The following SORBS2 variants were observed in gnomAD, a reference collection of about 807,000 sequenced individuals.
SORBS2 encodes sorbin and SH3 domain containing 2.
A neutral mutation model predicts 97.7 loss-of-function variants in SORBS2; 46 were observed. The observed-to-expected ratio is 0.47, with a 90% confidence interval of 0.37 to 0.60. The LOEUF (loss-of-function observed/expected upper bound fraction) is 0.60. SORBS2 is among the 20% of genes least tolerant of loss of function. The pLI is 0.00. For synonymous variants in SORBS2, 476 were observed against 473.4 expected (o/e 1.01, Z -0.07); for missense variants, 1,316 against 1,282.3 (o/e 1.03, Z -0.40).
chr4:185,839,125 G>A (rs895673351), intron 1 of SORBS2, among the ~76,000 whole-genome samples: 1 of 152,206 alleles, frequency 6.6e-6, no homozygotes, highest in Non-Finnish European at 1.5e-5. Flanking sequence ...TCCTCAGAAA[G>A]ATCCAGTAAC....
chr4:185,661,076 A>G (rs1046041674), upstream of SORBS2, among the ~76,000 whole-genome samples: 1 of 152,008 alleles, frequency 6.6e-6, no homozygotes, highest in African/African-American at 2.4e-5. Flanking sequence ...GGAGTTCGAG[A>G]CCAACCTGGC....
chr4:185,931,596 T>C (rs1191658538), intron 1 of SORBS2, among the ~76,000 whole-genome samples: 2 of 152,050 alleles, frequency 1.3e-5, no homozygotes, highest in South Asian at 2.1e-4. Context: ...GGTGATAAGA[T>C]ACCAAGGCTA....
intron 1 of SORBS2, among the ~76,000 whole-genome samples, chr4:185,810,179 T>G (rs2099173909): frequency 6.6e-6 from 1 of 152,256 alleles, no homozygotes; most frequent in African/African-American, 2.4e-5. Flanking sequence ...TCACCAAACG[T>G]TTGCACATGT....
At chr4:185,677,247 C>T (rs1453098125) in intron 4 of SORBS2, 1 of 1,551,652 alleles carries the variant, frequency 6.4e-7, no homozygotes, top group Non-Finnish European at 8.7e-7. Context: ...CTGTGGAGTA[C>T]TAATGGGGCT....
intron 1 of SORBS2, among the ~76,000 whole-genome samples, chr4:185,813,354 C>A (rs1363753188): frequency 1.3e-5 from 2 of 152,140 alleles, no homozygotes; most frequent in Non-Finnish European, 2.9e-5. Flanking sequence ...TTTGGGGATG[C>A]CCGCTCCCCT....
chr4:185,728,190 C>G (rs964226249), intron 2 of SORBS2, among the ~76,000 whole-genome samples: 1 of 152,158 alleles, frequency 6.6e-6, no homozygotes, highest in African/African-American at 2.4e-5. Context: ...AGGTTTTATG[C>G]AAAACCAGTG....
At chr4:185,779,011 T>C (rs1476672133) in intron 1 of SORBS2, among the ~76,000 whole-genome samples, 1 of 152,244 alleles carries the variant, frequency 6.6e-6, no homozygotes, top group East Asian at 1.9e-4. Context: ...AGGCGGCACC[T>C]GAGCGTTGTG....
chr4:185,701,104 T>C (rs1188032825), intron 2 of SORBS2, among the ~76,000 whole-genome samples: 1 of 152,250 alleles, frequency 6.6e-6, no homozygotes, highest in African/African-American at 2.4e-5. Context: ...TATTTTAACA[T>C]ATGTAGTGAA....
chr4:185,734,355 T>A (rs1018539588), intron 2 of SORBS2, among the ~76,000 whole-genome samples: 1 of 152,346 alleles, frequency 6.6e-6, no homozygotes, highest in Admixed American at 6.5e-5. Context: ...TTTAGTTTGT[T>A]ACATACTACA....
At chr4:185,709,147 T>C (rs112937331) in intron 2 of SORBS2, among the ~76,000 whole-genome samples, 1 of 152,164 alleles carries the variant, frequency 6.6e-6, no homozygotes, top group South Asian at 2.1e-4. Flanking sequence ...ACCTCCCAGG[T>C]AGCTGGGATT....
upstream of SORBS2, chr4:185,657,120 T>G: frequency 3.2e-6 from 1 of 308,696 alleles, no homozygotes; most frequent in Admixed American, 5.6e-5. Context: ...CTAAGCCTCC[T>G]TGGTAAAAGG....
At chr4:185,827,314 ATC>A (rs1187902129) in intron 1 of SORBS2, among the ~76,000 whole-genome samples, 1 of 10,544 alleles carries the variant, frequency 9.5e-5, no homozygotes, top group Non-Finnish European at 2.9e-4. Context: ...CATCATCACC[ATC>A]ATCACCATCA....
upstream of SORBS2, among the ~76,000 whole-genome samples, chr4:185,658,117 G>GAAGCAAAACCA (rs2097439519): frequency 6.6e-6 from 1 of 152,122 alleles, no homozygotes; most frequent in South Asian, 2.1e-4. Context: ...TCATAAAAAT[G>GAAGCAAAACCA]AAGCAAAACC....
intron 1 of SORBS2, among the ~76,000 whole-genome samples, chr4:185,815,297 G>A (rs2099192608): frequency 6.6e-6 from 1 of 151,980 alleles, no homozygotes; most frequent in African/African-American, 2.4e-5. Flanking sequence ...TATTGAGATT[G>A]TTGTCTTAGT....
At chr4:185,851,782 A>G (rs1014524388) in intron 1 of SORBS2, among the ~76,000 whole-genome samples, 1 of 152,146 alleles carries the variant, frequency 6.6e-6, no homozygotes, top group Non-Finnish European at 1.5e-5. Flanking sequence ...TCTTTCTCCC[A>G]TGCTAGATGC....
At chr4:185,885,586 C>T (rs2099238998) in intron 1 of SORBS2, among the ~76,000 whole-genome samples, 3 of 152,210 alleles carry the variant, frequency 2.0e-5, no homozygotes, top group African/African-American at 7.2e-5. Context: ...GGCCTACTAA[C>T]TACACATATA....
chr4:185,670,196 G>A (rs961095818), intron 4 of SORBS2, among the ~76,000 whole-genome samples: 1 of 152,044 alleles, frequency 6.6e-6, no homozygotes, highest in African/African-American at 2.4e-5. Context: ...TCCAGCCTGG[G>A]TGACAGAGCA....
chr4:185,691,531 G>A (rs2098094262), intron 2 of SORBS2, among the ~76,000 whole-genome samples: 1 of 152,080 alleles, frequency 6.6e-6, no homozygotes, highest in East Asian at 1.9e-4. Context: ...GTTGACTACC[G>A]GGGAATATGT....
chr4:185,948,645 G>A (rs1055911887), intron 1 of SORBS2, among the ~76,000 whole-genome samples: 1 of 148,122 alleles, frequency 6.8e-6, no homozygotes, highest in Admixed American at 7.0e-5. Context: ...AGCCTCCCAA[G>A]TAGCTGGGAT....
Sources: allele counts gnomAD v4.1 joint callset (sites outside exome capture counted in the v4.1 genomes callset), GRCh38; gene constraint gnomAD v4.1.1; transcripts MANE v1.5; gene names NCBI Gene and HGNC (gene_info 2026-07-23, HGNC 2026-07-21).